WDR70: variants seen among roughly 807,000 people sequenced by gnomAD.
WDR70 encodes the protein WD repeat-containing protein 70.
In WDR70, 53 loss-of-function variants were observed where a neutral mutation model predicts 88.6. The ratio of observed to expected loss-of-function variants is 0.60; its 90% CI spans 0.48 to 0.75. The LOEUF (loss-of-function observed/expected upper bound fraction) is 0.75, where lower values mean the gene tolerates loss of function less well. WDR70 is among the 30% of genes least tolerant of loss of function. The pLI, the probability that WDR70 is intolerant of heterozygous loss-of-function variation, is 0.00. For missense variants in WDR70, 610 were observed against 823.2 expected, an observed-to-expected ratio of 0.74 and a Z score of 3.17; for synonymous variants, 280 against 270.0, an observed-to-expected ratio of 1.04 and a Z score of -0.36.
chr5:37,724,071 T>G (rs1160150522), intron 15 of WDR70: 1 of 152,106 alleles, frequency 6.6e-6, no homozygotes, highest in Non-Finnish European at 1.5e-5. Context: ...TTCCTTCCCC[T>G]GGTCCCCCGG....
At chr5:37,723,161 A>G (rs1333286457) in intron 15 of WDR70, 1 of 563,954 alleles carries the variant, frequency 1.8e-6, no homozygotes, top group South Asian at 2.3e-5. Context: ...CAAAAGGGAA[A>G]AGCCTGTTCG....
Position 37,424,552 on chromosome 5 carries a change from G to A in WDR70, c.493-13370G>A, listed in dbSNP as rs1005702103. 4.0e-5 allele frequency among the ~76,000 whole-genome samples: 6 copies of A among 151,504 alleles called. No homozygotes were observed. In the East Asian group the frequency reaches 5.8e-4, roughly 15 times the overall value. ...GCTGAGTAGCTGAAACTACAAGTGC[G>A]CACCACCATGCCCGGCTAATTTTTT... On this transcript the variant is annotated intron_variant, in intron 5 of 17. Transcript: ENST00000265107.
At chr5:37,612,320 G>A (rs1297401143) in intron 10 of WDR70, among the ~76,000 whole-genome samples, 2 of 152,040 alleles carry the variant, frequency 1.3e-5, no homozygotes, top group African/African-American at 4.8e-5. Context: ...AATGTCTACT[G>A]CATAGTCCTA....
chr5:37,753,056 C>G lies in WDR70; in HGVS notation c.*483C>G, dbSNP rs924790228. 6.5e-6 allele frequency: 1 copy of G among 154,202 alleles called. No homozygotes were observed. Among genetic ancestry groups the G allele is most frequent in the African/African-American group, 2.4e-5 (1 of 41,456 alleles). The allele number at this position is 154,202 out of a possible 1,614,324, so 9.6% of individuals were successfully genotyped here. A position where few individuals can be genotyped will look rare whatever the true frequency, so the allele number is the denominator to read the frequency against. ...TTGCCATACTGGGAAAGAGCATTAT[C>G]TCATTATCCTTCAATAGCAGAATAC... On this transcript the variant is annotated 3_prime_UTR_variant, in exon 18 of 18. Coordinates refer to ENST00000265107, the MANE Select transcript of WDR70 (RefSeq NM_018034.4).
At chr5:37,599,021 A>G (rs185067583) in intron 9 of WDR70, among the ~76,000 whole-genome samples, 1 of 152,340 alleles carries the variant, frequency 6.6e-6, no homozygotes, top group African/African-American at 2.4e-5. Context: ...TGGCAGAGGT[A>G]AAGGGAAGCA....
In WDR70 at chr5:37,484,448, G is replaced by A. The variant is rs1241787225; in HGVS notation, c.840+4461G>A. Among the ~76,000 whole-genome samples the A allele has an allele frequency of 4.6e-5, 7 of 152,150 alleles. No individual in the cohort carries two copies. The South Asian group carries it at 8.3e-4, about 18-fold the overall frequency. On this transcript the variant is annotated intron_variant, in intron 8 of 17. Coordinates refer to ENST00000265107, the MANE Select transcript of WDR70 (RefSeq NM_018034.4). ...CGCGCGCCTGCAATCGCAGGCACTC[G>A]GCAGGCTGAGGCAGGAGAATCAGGC...
intron 5 of WDR70, among the ~76,000 whole-genome samples, chr5:37,407,375 T>C (rs1272749574): frequency 1.3e-5 from 2 of 151,766 alleles, no homozygotes; most frequent in Non-Finnish European, 2.9e-5. Context: ...ATACAAAAAA[T>C]AATTAGCCGG....
chr5:37,720,449 C>A (rs1181944470), intron 13 of WDR70, among the ~76,000 whole-genome samples: 2 of 152,086 alleles, frequency 1.3e-5, no homozygotes, highest in Admixed American at 6.6e-5. Context: ...TCTTTTCAGC[C>A]CCAGAGCACC....
intron 10 of WDR70, among the ~76,000 whole-genome samples, chr5:37,607,484 CAT>C (rs1327905937): frequency 2.6e-5 from 4 of 152,138 alleles, no homozygotes; most frequent in Admixed American, 6.6e-5. Context: ...TTAAACAAAA[CAT>C]ATCTTTTTAG....
At chr5:37,624,266 C>A (rs746843488) in intron 10 of WDR70, among the ~76,000 whole-genome samples, 9 of 152,118 alleles carry the variant, frequency 5.9e-5, no homozygotes, top group Non-Finnish European at 1.0e-4. Context: ...ATGAGATCAA[C>A]TGTTTTTCTC....
intron 9 of WDR70, among the ~76,000 whole-genome samples, chr5:37,577,659 GAGA>G (rs943164260): frequency 3.3e-5 from 5 of 152,138 alleles, no homozygotes; most frequent in Non-Finnish European, 7.4e-5. Context: ...TGTAGGGATG[GAGA>G]AGAAGGAGTC....
intron 8 of WDR70, among the ~76,000 whole-genome samples, chr5:37,509,587 C>T (rs963671032): frequency 3.8e-4 from 58 of 152,174 alleles, no homozygotes; most frequent in African/African-American, 1.3e-3. Flanking sequence ...TGTTTTGTTA[C>T]TTAGAATATG....
intron 5 of WDR70, among the ~76,000 whole-genome samples, chr5:37,414,903 G>C (rs1749649254): frequency 6.8e-6 from 1 of 146,644 alleles, no homozygotes; most frequent in South Asian, 2.1e-4. Context: ...AAAGGTCTCT[G>C]GTTTTCCTAG....
chr5:37,613,208 T>C (rs1053751601), intron 10 of WDR70, among the ~76,000 whole-genome samples: 1 of 152,186 alleles, frequency 6.6e-6, no homozygotes, highest in Non-Finnish European at 1.5e-5. Flanking sequence ...TTTTTAAGAC[T>C]CTGAATAATA....
At chr5:37,638,315 G>C (rs1447703661) in intron 10 of WDR70, among the ~76,000 whole-genome samples, 2 of 152,132 alleles carry the variant, frequency 1.3e-5, no homozygotes, top group African/African-American at 4.8e-5. Flanking sequence ...ATTTAGTTAA[G>C]TCATTATAGT....
intron 9 of WDR70, among the ~76,000 whole-genome samples, chr5:37,557,863 T>C (rs577777747): frequency 6.9e-6 from 1 of 144,888 alleles, no homozygotes; most frequent in Non-Finnish European, 1.6e-5. Context: ...ATATTTTGTA[T>C]TGTATGAGCA....
chr5:37,695,312 C>G (rs958483525), intron 10 of WDR70, among the ~76,000 whole-genome samples: 1 of 152,162 alleles, frequency 6.6e-6, no homozygotes, highest in Non-Finnish European at 1.5e-5. Context: ...CCACCTCCAA[C>G]ATTGTGAATT....
At chr5:37,548,840 T>C (rs1408249817) in intron 9 of WDR70, among the ~76,000 whole-genome samples, 1 of 152,232 alleles carries the variant, frequency 6.6e-6, no homozygotes, top group Non-Finnish European at 1.5e-5. Context: ...GATAGGGGTC[T>C]AGTTTTGTTC....
At position 37,752,850 on chromosome 5, in the gene WDR70, G is replaced by A. The variant is rs1434943459; in HGVS notation, c.*277G>A. ...TTGGAAACTTTATTCAACAATTATT[G>A]GTCTTGTCCAGATTCTCATAACCTT... On this transcript the variant is annotated 3_prime_UTR_variant, in exon 18 of 18. Transcript: ENST00000265107. The A allele has an allele frequency of 3.5e-6, 1 of 282,788 alleles. No homozygotes were observed. The highest frequency in any genetic ancestry group is 6.5e-6 in the Non-Finnish European group (1 of 154,040). The allele number at this position is 282,788 out of a possible 1,614,324, so 17.5% of individuals were successfully genotyped here.
Sources: allele counts gnomAD v4.1 joint callset (sites outside exome capture counted in the v4.1 genomes callset), GRCh38; gene constraint gnomAD v4.1.1; transcripts MANE v1.5; gene names NCBI Gene and HGNC (gene_info 2026-07-23, HGNC 2026-07-21).